Variants in SLC5A9 observed in about 807,000 individuals in gnomAD.
SLC5A9 encodes sodium/glucose cotransporter 4.
SLC5A9 carries 59 observed loss-of-function variants against 70.9 expected under a neutral mutation model. That is an observed-to-expected ratio of 0.83 (90% CI 0.68 to 1.03). The LOEUF (loss-of-function observed/expected upper bound fraction) is 1.03. SLC5A9 is among the 50% of genes least tolerant of loss of function. The pLI is 0.00. For synonymous variants in SLC5A9, 340 were observed against 346.5 expected, an observed-to-expected ratio of 0.98 and a Z score of 0.21; for missense variants, 832 against 881.1, an observed-to-expected ratio of 0.94 and a Z score of 0.71.
At chr1:48,228,823 G>A (rs780218434) in intron 2 of SLC5A9, 27 bp from the exon 3 acceptor site, 1 of 1,612,930 alleles carries the variant, frequency 6.2e-7, no homozygotes, top group Admixed American at 1.7e-5. Context: ...CCTGACTCCT[G>A]ACCCTTGACC....
intron 13 of SLC5A9, among the ~76,000 whole-genome samples, chr1:48,244,866 G>GTGTATATA (rs1354601965): frequency 2.5e-4 from 3 of 11,798 alleles, no homozygotes; most frequent in African/African-American, 1.1e-3. Flanking sequence ...GTGTGTGTAT[G>GTGTATATA]TATGTGTATG....
Position 48,224,618 on chromosome 1 carries a change from T to C in SLC5A9, c.163-106T>C, listed in dbSNP as rs1005507747. 2.0e-5 allele frequency: 22 copies of C among 1,097,580 alleles called. No homozygotes were observed. The African/African-American group carries it at 3.4e-4, about 17-fold the overall frequency. 68.0% of individuals were successfully genotyped at this position (1,097,580 alleles called of 1,614,324 possible). A position where few individuals can be genotyped will look rare whatever the true frequency, so the allele number is the denominator to read the frequency against. ...CTTCTGCCTCAGTTTTCACCCTCTG[T>C]GTCCCCACAGTGCCTGCACCGAGGG... On this transcript the variant is annotated intron_variant, in intron 1 of 13. Coordinates refer to ENST00000438567, the MANE Select transcript of SLC5A9 (RefSeq NM_001011547.3).
Position 48,242,482 on chromosome 1 carries a change from G to A in SLC5A9, c.1703G>A (p.Arg568Gln), listed in dbSNP as rs1330279113. ...CTCACACGCCTCACATGGTGGACTC[G>A]GAACTGCCCCCTCTCTGAGCTGGAG... ...EQLTRLTWWTRNCPLSELEKE... is the reference protein window; with the variant it reads ...EQLTRLTWWTQNCPLSELEKE... Residue 568 changes from arginine to glutamine, a missense_variant, in exon 13 of 14, where the codon CGG becomes CAG. Coordinates refer to ENST00000438567, the MANE Select transcript of SLC5A9 (RefSeq NM_001011547.3). 22 of 1,610,788 alleles carry A rather than the reference G, an allele frequency of 1.4e-5. No individual in the cohort carries two copies. The highest frequency in any genetic ancestry group is 1.7e-5 in the Non-Finnish European group (20 of 1,177,980).
chr1:48,231,776 G>T (rs910067442), intron 6 of SLC5A9, 151 bp downstream of exon 6: 2 of 1,504,450 alleles, frequency 1.3e-6, no homozygotes, highest in Non-Finnish European at 8.9e-7. Context: ...AAAGAGCAGG[G>T]TTCTCGCTAC....
rs185646393 is a variant in SLC5A9 at position 48,243,941 on chromosome 1, G to T, written c.1837+1325G>T. Reference sequence around the variant, plus strand: ...AAGACATTGTCTCTGTCCCCAAGGAGGTGAGAATCTCTTGGAGGCAAACAG... The same window carrying T: ...AAGACATTGTCTCTGTCCCCAAGGATGTGAGAATCTCTTGGAGGCAAACAG... On this transcript the variant is annotated intron_variant, in intron 13 of 13. Coordinates refer to ENST00000438567, the MANE Select transcript of SLC5A9 (RefSeq NM_001011547.3). Among the ~76,000 whole-genome samples the T allele has an allele frequency of 2.5e-3, 378 of 152,274 alleles. 1 individual carries two copies. The highest frequency in any genetic ancestry group is 7.7e-3 in the African/African-American group (321 of 41,558).
rs1420251557 is a variant in SLC5A9, at chr1:48,248,392, T to G, written c.*849T>G. On this transcript the variant is annotated 3_prime_UTR_variant, in exon 14 of 14. Coordinates refer to ENST00000438567, the MANE Select transcript of SLC5A9 (RefSeq NM_001011547.3). ...TGCTTCTCTGTCCTTCTCCCTTTGCTTGCCATGAATCCGCATACCTTGGAA... is the reference window on the plus strand; with the variant it reads ...TGCTTCTCTGTCCTTCTCCCTTTGCGTGCCATGAATCCGCATACCTTGGAA... The G allele has an allele frequency of 6.6e-6, 1 of 152,404 alleles. No individual in the cohort carries two copies. The highest frequency in any genetic ancestry group is 6.5e-5 in the Admixed American group (1 of 15,286). The allele number at this position is 152,404 out of a possible 1,614,324, so 9.4% of individuals were successfully genotyped here.
chr1:48,224,228 G>T (rs950741632), intron 1 of SLC5A9, among the ~76,000 whole-genome samples: 1 of 152,112 alleles, frequency 6.6e-6, no homozygotes, highest in Non-Finnish European at 1.5e-5. Flanking sequence ...CAGGGCAAGG[G>T]AAACTCCAAA....
At chr1:48,226,833 C>G (rs1644154243) in intron 2 of SLC5A9, among the ~76,000 whole-genome samples, 1 of 152,148 alleles carries the variant, frequency 6.6e-6, no homozygotes, top group Non-Finnish European at 1.5e-5. Flanking sequence ...CAAGAACTGC[C>G]TGGGGGAGGC....
At chr1:48,227,522 AGT>A (rs745978927) in intron 2 of SLC5A9, among the ~76,000 whole-genome samples, 14 of 116,658 alleles carry the variant, frequency 1.2e-4, no homozygotes, top group African/African-American at 4.9e-4. Context: ...TAATTGCATG[AGT>A]GTGTGTGTAC....
At chr1:48,230,804 A>G (rs774668772) in intron 5 of SLC5A9, 99 bp downstream of exon 5, 2 of 876,398 alleles carry the variant, frequency 2.3e-6, no homozygotes, top group Non-Finnish European at 3.6e-6. Context: ...ACAGAGTGAC[A>G]GAAAGCTGAT....
chr1:48,224,802 T>C lies in SLC5A9; in HGVS notation c.234+7T>C. 6.2e-7 allele frequency: 1 copy of C among 1,613,946 alleles called. No homozygotes were observed. The highest frequency in any genetic ancestry group is 8.5e-7 in the Non-Finnish European group (1 of 1,179,868). On this transcript the variant is annotated splice_region_variant and intron_variant, in intron 2 of 13. Transcript: ENST00000438567. The stretch of plus-strand genomic sequence containing the variant: ...GTCCATGAGCTGGTGGCCAGTGAGT[T>C]GACCCTTCTCAACCACCCCTAGTGC...
Position 48,232,051 on chromosome 1 carries a change from C to G in SLC5A9, c.797C>G (p.Ala266Gly), listed in dbSNP as rs777101704. ...NTTCHLPRPD[A>G]FHILRDPVSG... The stretch of plus-strand genomic sequence containing the variant: ...ACCTGTCACCTCCCACGGCCCGATG[C>G]TTTCCACATTCTTCGGGACCCTGTG... Residue 266 changes from alanine (A) to glycine (G), a missense_variant, in exon 7 of 14, where the codon GCT becomes GGT. Ala to Gly is a moderately conservative substitution (Grantham distance 60). Transcript: ENST00000438567. 6.2e-7 allele frequency: 1 copy of G among 1,614,196 alleles called. No homozygotes were observed. The highest frequency in any genetic ancestry group is 1.3e-5 in the African/African-American group (1 of 75,062).
chr1:48,237,361 T>TGGGGGGGG (rs71853018), intron 10 of SLC5A9, among the ~76,000 whole-genome samples: 2 of 95,640 alleles, frequency 2.1e-5, no homozygotes, highest in Admixed American at 3.0e-4. Context: ...TTGACTGGGG[T>TGGGGGGGG]GGGGGGTGGG....
chr1:48,224,852 C>T (rs1257504473), intron 2 of SLC5A9, 57 bp downstream of exon 2: 5 of 1,505,374 alleles, frequency 3.3e-6, no homozygotes, highest in African/African-American at 1.4e-5. Context: ...TTCTTCCTCC[C>T]CACTATCCAA....
At position 48,231,729 on chromosome 1, in the gene SLC5A9, C is replaced by T. The variant is rs115427846; in HGVS notation, c.691+104C>T. ...ATTGAAACTTTCCAGTGCATAGAGCCATGTGAGCCATGTCCCCTCTCCAGG... is the reference window on the plus strand; with the variant it reads ...ATTGAAACTTTCCAGTGCATAGAGCTATGTGAGCCATGTCCCCTCTCCAGG... On this transcript the variant is annotated intron_variant, in intron 6 of 13. Transcript: ENST00000438567. 4.9e-4 allele frequency: 747 copies of T among 1,532,012 alleles called. 4 individuals carry two copies. The African/African-American group carries it at 8.9e-3, about 18-fold the overall frequency. The allele number at this position is 1,532,012 out of a possible 1,614,324, so 94.9% of individuals were successfully genotyped here. A position where few individuals can be genotyped will look rare whatever the true frequency, so the allele number is the denominator to read the frequency against.
At chr1:48,228,109 T>G (rs1644191365) in intron 2 of SLC5A9, 1 of 152,238 alleles carries the variant, frequency 6.6e-6, no homozygotes, top group Admixed American at 6.5e-5. Context: ...TTGTGTAGTG[T>G]TACTGGAGCC....
chr1:48,247,852 A>C lies in SLC5A9; in HGVS notation c.*309A>C, dbSNP rs866637570. 35 of 374,158 alleles carry C rather than the reference A, an allele frequency of 9.4e-5. No individual in the cohort carries two copies. The highest frequency in any genetic ancestry group is 5.4e-5 in the Non-Finnish European group (11 of 202,604). The allele number at this position is 374,158 out of a possible 1,614,324, so 23.2% of individuals were successfully genotyped here. The stretch of plus-strand genomic sequence containing the variant: ...TTCCACCCTCTTCTTGAATGTATTC[A>C]GTAGCCTTTACTGAATGTGTGTCTT... On this transcript the variant is annotated 3_prime_UTR_variant, in exon 14 of 14. Coordinates refer to ENST00000438567, the MANE Select transcript of SLC5A9 (RefSeq NM_001011547.3).
chr1:48,223,946 GA>G (rs1181448742), intron 1 of SLC5A9, among the ~76,000 whole-genome samples: 1 of 152,152 alleles, frequency 6.6e-6, no homozygotes, highest in Non-Finnish European at 1.5e-5. Flanking sequence ...GATCAGAGCT[GA>G]CAAGGAAAAT....
rs920999876 is a variant in SLC5A9 at position 48,233,885 on chromosome 1, C to A, written c.1141+123C>A. On this transcript the variant is annotated intron_variant, in intron 9 of 13. Coordinates refer to ENST00000438567, the MANE Select transcript of SLC5A9 (RefSeq NM_001011547.3). Reference sequence around the variant, plus strand: ...GGAAGAAAACTATTCACCTCTGCACCCCCATCCCAACACATACACACACGT... The same window carrying A: ...GGAAGAAAACTATTCACCTCTGCACACCCATCCCAACACATACACACACGT... The A allele has an allele frequency of 1.3e-4, 91 of 719,020 alleles. No homozygotes were observed. In the East Asian group the frequency reaches 2.3e-3, roughly 18 times the overall value. 44.5% of individuals were successfully genotyped at this position (719,020 alleles called of 1,614,324 possible).
Sources: allele counts gnomAD v4.1 joint callset (sites outside exome capture counted in the v4.1 genomes callset), GRCh38; gene constraint gnomAD v4.1.1; transcripts MANE v1.5; gene names NCBI Gene and HGNC (gene_info 2026-07-23, HGNC 2026-07-21).